Variants in MAPKAP1 observed in about 807,000 individuals in gnomAD.
The protein encoded by MAPKAP1 is MAPK associated protein 1.
In MAPKAP1, 20 loss-of-function variants were observed where a neutral mutation model predicts 65.7. The observed-to-expected ratio is 0.30, with a 90% CI of 0.21 to 0.44. The LOEUF is 0.44. Ranked by LOEUF, MAPKAP1 falls within the 20% of genes least tolerant of loss-of-function variation. The pLI is 1.00. For missense variants in MAPKAP1, 423 were observed against 648.0 expected (o/e 0.65, Z 3.77); for synonymous variants, 222 against 244.3 (o/e 0.91, Z 0.85).
At chr9:125,473,014 T>C (rs1483088894) in intron 9 of MAPKAP1, among the ~76,000 whole-genome samples, 1 of 152,166 alleles carries the variant, frequency 6.6e-6, no homozygotes, top group Non-Finnish European at 1.5e-5. Context: ...TATGCTGAAG[T>C]CTTGATAATG....
chr9:125,481,256 T>C (rs1290059882), intron 9 of MAPKAP1, among the ~76,000 whole-genome samples: 1 of 152,182 alleles, frequency 6.6e-6, no homozygotes, highest in African/African-American at 2.4e-5. Context: ...TTAAAGTTTG[T>C]CTTTTTTGCC....
chr9:125,548,033 C>G (rs1278251508), intron 6 of MAPKAP1, among the ~76,000 whole-genome samples: 1 of 152,176 alleles, frequency 6.6e-6, no homozygotes, highest in Non-Finnish European at 1.5e-5. Context: ...TTATTGAACA[C>G]TTTCTATGGG....
rs888374435 is a variant in MAPKAP1, at chr9:125,517,200, TA to T, written c.959-10784del. 3.1e-3 allele frequency among the ~76,000 whole-genome samples: 477 copies of T among 151,600 alleles called. 2 individuals carry two copies. Among genetic ancestry groups the T allele is most frequent in the Middle Eastern group, 6.8e-3 (2 of 292 alleles). ...ACAGTATAGGTTTTGATCTTTGGGT[TA>T]AAAAAAAAGAATTGTAAGGTTTAGA... On this transcript the variant is annotated intron_variant, in intron 7 of 11. Transcript: ENST00000265960.
chr9:125,570,469 C>T (rs961486364), intron 5 of MAPKAP1, among the ~76,000 whole-genome samples: 2 of 152,202 alleles, frequency 1.3e-5, no homozygotes, highest in African/African-American at 2.4e-5. Context: ...GAGAGTCAGA[C>T]CTTATCTGCA....
intron 7 of MAPKAP1, among the ~76,000 whole-genome samples, chr9:125,534,617 C>T (rs1404187889): frequency 2.0e-5 from 3 of 152,202 alleles, no homozygotes; most frequent in African/African-American, 7.2e-5. Context: ...TCTTTGGCCT[C>T]TAATTCATTT....
chr9:125,525,992 A>G (rs905325706), intron 7 of MAPKAP1, among the ~76,000 whole-genome samples: 57 of 152,234 alleles, frequency 3.7e-4, no homozygotes, highest in Non-Finnish European at 7.3e-5. Context: ...GTAGGCGTTC[A>G]GGAGACAATG....
At chr9:125,530,101 G>A (rs909155309) in intron 7 of MAPKAP1, among the ~76,000 whole-genome samples, 2 of 152,176 alleles carry the variant, frequency 1.3e-5, no homozygotes, top group African/African-American at 4.8e-5. Flanking sequence ...ACAGGAGTTG[G>A]GTGGTTCAGG....
At chr9:125,693,927 G>C (rs574738508) in intron 1 of MAPKAP1, among the ~76,000 whole-genome samples, 2 of 151,994 alleles carry the variant, frequency 1.3e-5, no homozygotes, top group East Asian at 1.9e-4. Context: ...CCAGCACTTT[G>C]GGAGGCAGAG....
In MAPKAP1 at chr9:125,641,378, A is replaced by AT. The variant is rs917443250; in HGVS notation, c.498+16272dup. ...AGTATGAGTACTGTATGGTTTTTAC[A>AT]TTTTTTTTCAGCACTCACAGATTCT... On this transcript the variant is annotated intron_variant, in intron 4 of 11. Coordinates refer to ENST00000265960, the MANE Select transcript of MAPKAP1 (RefSeq NM_001006617.3). 9.9e-5 allele frequency among the ~76,000 whole-genome samples: 15 copies of AT among 152,086 alleles called. No individual in the cohort carries two copies. The East Asian group carries it at 1.5e-3, about 16-fold the overall frequency.
intron 7 of MAPKAP1, chr9:125,512,995 C>G (rs1484041473): frequency 6.6e-6 from 1 of 152,254 alleles, no homozygotes; most frequent in Non-Finnish European, 1.5e-5. Context: ...TTTTGACCTG[C>G]ACGTTTCCAA....
At chr9:125,440,998 T>A (rs1852459799) in intron 11 of MAPKAP1, among the ~76,000 whole-genome samples, 1 of 152,188 alleles carries the variant, frequency 6.6e-6, no homozygotes, top group African/African-American at 2.4e-5. Flanking sequence ...GATAATCACA[T>A]AGATAATGTT....
intron 4 of MAPKAP1, among the ~76,000 whole-genome samples, chr9:125,593,218 C>T (rs1046736336): frequency 5.9e-5 from 9 of 151,998 alleles, no homozygotes; most frequent in Non-Finnish European, 1.2e-4. Context: ...GCACAGGAAT[C>T]GCCTGAACCC....
intron 7 of MAPKAP1, among the ~76,000 whole-genome samples, chr9:125,542,053 C>A (rs1489183316): frequency 6.6e-6 from 1 of 151,944 alleles, no homozygotes; most frequent in East Asian, 1.9e-4. Flanking sequence ...CCCCTACCAG[C>A]ATCTCTCTCT....
chr9:125,498,756 T>G (rs1287640412), intron 8 of MAPKAP1, among the ~76,000 whole-genome samples: 1 of 152,160 alleles, frequency 6.6e-6, no homozygotes, highest in Admixed American at 6.5e-5. Flanking sequence ...AAAAAATATT[T>G]GCTGGGAGGT....
At chr9:125,581,420 T>C (rs1831621442) in intron 5 of MAPKAP1, among the ~76,000 whole-genome samples, 1 of 152,262 alleles carries the variant, frequency 6.6e-6, no homozygotes, top group Admixed American at 6.5e-5. Flanking sequence ...TTTAATTGCA[T>C]TTTCCTAATG....
intron 5 of MAPKAP1, among the ~76,000 whole-genome samples, chr9:125,583,002 T>C (rs1044648811): frequency 1.3e-5 from 2 of 152,176 alleles, no homozygotes; most frequent in African/African-American, 2.4e-5. Context: ...ATCCACAGCA[T>C]GCTCTAAGGA....
Position 125,495,065 on chromosome 9 carries a change from C to T in MAPKAP1, c.1067-10482G>A, listed in dbSNP as rs1365911538. On this transcript the variant is annotated intron_variant, in intron 8 of 11. Transcript: ENST00000265960. ...GTTTGCTTGGAAGTTAGATTAGTGACAGAATTCTCATTATTTCCTCTTTCT... is the reference window on the plus strand; with the variant it reads ...GTTTGCTTGGAAGTTAGATTAGTGATAGAATTCTCATTATTTCCTCTTTCT... 3.9e-5 allele frequency among the ~76,000 whole-genome samples: 6 copies of T among 152,318 alleles called. No homozygotes were observed. In the East Asian group the frequency reaches 1.2e-3, roughly 29 times the overall value.
chr9:125,640,345 C>T (rs545231175), intron 4 of MAPKAP1, among the ~76,000 whole-genome samples: 47 of 152,016 alleles, frequency 3.1e-4, no homozygotes, highest in Middle Eastern at 3.4e-3. Context: ...CCTCGTGATC[C>T]GCCCGCCTCG....
chr9:125,585,266 C>G (rs1162089712), intron 5 of MAPKAP1, among the ~76,000 whole-genome samples: 1 of 152,230 alleles, frequency 6.6e-6, no homozygotes, highest in Non-Finnish European at 1.5e-5. Context: ...CAACAAACAT[C>G]AATCCCCTCC....
Sources: allele counts gnomAD v4.1 joint callset (sites outside exome capture counted in the v4.1 genomes callset), GRCh38; gene constraint gnomAD v4.1.1; transcripts MANE v1.5; gene names NCBI Gene and HGNC (gene_info 2026-07-23, HGNC 2026-07-21).